The following PCDHGA6 variants were observed in gnomAD, a reference collection of about 807,000 sequenced individuals.
PCDHGA6 encodes protocadherin gamma subfamily A, 6.
Under a neutral mutation model 60.6 loss-of-function variants are expected in PCDHGA6, and 41 were observed. The observed-to-expected ratio is 0.68, with a 90% CI of 0.53 to 0.88. The LOEUF is 0.88. Among genes scored for constraint, PCDHGA6 ranks in the 40% least tolerant of loss-of-function variants. The pLI, the probability that PCDHGA6 is intolerant of heterozygous loss-of-function variation, is 0.00. For synonymous variants in PCDHGA6, 594 were observed against 524.4 expected (o/e 1.13, Z -1.81); for missense variants, 1,312 against 1,203.0 (o/e 1.09, Z -1.34).
At chr5:141,394,875 A>G in intron 1 of PCDHGA6, 3 of 1,613,722 alleles carry the variant, frequency 1.9e-6, no homozygotes, top group Non-Finnish European at 8.5e-7. Flanking sequence ...GAACGATTCG[A>G]GCCTTACACT....
At chr5:141,444,531 CTG>C (rs2098439915) in intron 1 of PCDHGA6, among the ~76,000 whole-genome samples, 1 of 152,100 alleles carries the variant, frequency 6.6e-6, no homozygotes, top group Non-Finnish European at 1.5e-5. Context: ...GAGACAGTGA[CTG>C]TGTCTAGTGA....
At chr5:141,383,542 T>G (rs1779235852) in intron 1 of PCDHGA6, 1 of 1,612,562 alleles carries the variant, frequency 6.2e-7, no homozygotes, top group Non-Finnish European at 8.5e-7. Flanking sequence ...CCTCACAGCC[T>G]CTGATGGCGG....
intron 1 of PCDHGA6, among the ~76,000 whole-genome samples, chr5:141,435,017 C>T (rs1477938779): frequency 1.3e-5 from 2 of 151,994 alleles, no homozygotes; most frequent in Middle Eastern, 3.2e-3. Flanking sequence ...AATGATAATG[C>T]TCTTTTCCCA....
chr5:141,393,771 C>G (rs1207407733), intron 1 of PCDHGA6: 4 of 1,613,874 alleles, frequency 2.5e-6, no homozygotes, highest in Non-Finnish European at 3.4e-6. Context: ...AATGGAAATA[C>G]AAGCCGAAGA....
At chr5:141,419,405 G>T (rs1219399978) in intron 1 of PCDHGA6, 1 of 1,613,512 alleles carries the variant, frequency 6.2e-7, no homozygotes, top group South Asian at 1.1e-5. Context: ...GGTGGTGTTC[G>T]CGCAGCGCGC....
chr5:141,376,524 C>T lies in PCDHGA6; in HGVS notation c.2424+17C>T, dbSNP rs1772781654. The T allele has an allele frequency of 6.2e-7, 1 of 1,613,718 alleles. No homozygotes were observed. The highest frequency in any genetic ancestry group is 1.7e-5 in the Admixed American group (1 of 59,984). ...CAACTTCAGGTGAGTTTCTTTCCGCCTAAGCGGGAAGAGTAATCTGATCTT... is the reference window on the plus strand; with the variant it reads ...CAACTTCAGGTGAGTTTCTTTCCGCTTAAGCGGGAAGAGTAATCTGATCTT... On this transcript the variant is annotated intron_variant, in intron 1 of 3. Transcript: ENST00000517434.
intron 1 of PCDHGA6, chr5:141,420,184 A>G: frequency 5.0e-6 from 8 of 1,613,990 alleles, no homozygotes; most frequent in Non-Finnish European, 6.8e-6. Context: ...ATCATTGTCC[A>G]GCCACACAAG....
At chr5:141,407,114 T>C (rs1309229793) in intron 1 of PCDHGA6, among the ~76,000 whole-genome samples, 1 of 152,228 alleles carries the variant, frequency 6.6e-6, no homozygotes, top group Non-Finnish European at 1.5e-5. Flanking sequence ...ATTATTTGGG[T>C]TTCAGTTGCT....
chr5:141,394,087 C>T, intron 1 of PCDHGA6: 2 of 1,613,888 alleles, frequency 1.2e-6, no homozygotes, highest in Non-Finnish European at 1.7e-6. Context: ...GTGATGGCCT[C>T]AGATCTAGGA....
chr5:141,476,978 C>A lies in PCDHGA6; in HGVS notation c.2425-17829C>A, dbSNP rs1468851988. The A allele has an allele frequency of 2.5e-6, 4 of 1,614,138 alleles. No individual in the cohort carries two copies. Among genetic ancestry groups the A allele is most frequent in the Admixed American group, 3.3e-5 (2 of 60,012 alleles). On this transcript the variant is annotated intron_variant, in intron 1 of 3. Transcript: ENST00000517434. This position sits in a 1 kb window ranked among gnomAD's most constrained non-coding sequence, Gnocchi z 7.6. ...TATTTACTCCTTCGGCAGCCACAAC[C>A]GCGCCGGCGTGCGGCAACTATTCGC...
rs1036223789 is a variant in PCDHGA6, at chr5:141,511,298, G to C, written c.*125G>C. 49 of 1,502,412 alleles carry C rather than the reference G, an allele frequency of 3.3e-5. No homozygotes were observed. The African/African-American group carries it at 6.7e-4, about 20-fold the overall frequency. 93.1% of individuals were successfully genotyped at this position (1,502,412 alleles called of 1,614,324 possible). A position where few individuals can be genotyped will look rare whatever the true frequency, so the allele number is the denominator to read the frequency against. The stretch of plus-strand genomic sequence containing the variant: ...GAATACTGGTAGGGGCCAAGGCCAT[G>C]CTCCCCTTGGGAAACAGAAACAAGT... On this transcript the variant is annotated 3_prime_UTR_variant, in exon 4 of 4. Coordinates refer to ENST00000517434, the MANE Select transcript of PCDHGA6 (RefSeq NM_018919.3).
intron 3 of PCDHGA6, among the ~76,000 whole-genome samples, chr5:141,508,930 T>A (rs2099873149): frequency 6.6e-6 from 1 of 151,836 alleles, no homozygotes; most frequent in African/African-American, 2.4e-5. Context: ...CTTTTGGAGT[T>A]AATTAGGGAA....
In PCDHGA6 at chr5:141,511,580, G is replaced by A. The variant is rs1436011320; in HGVS notation, c.*407G>A. ...CTCTTTCCCGAGTAAGGTGGTTGGG[G>A]TGTTGAAGTACCAAGTAACCTACAA... On this transcript the variant is annotated 3_prime_UTR_variant, in exon 4 of 4. Coordinates refer to ENST00000517434, the MANE Select transcript of PCDHGA6 (RefSeq NM_018919.3). 2 of 282,206 alleles carry A rather than the reference G, an allele frequency of 7.1e-6. No individual in the cohort carries two copies. Among genetic ancestry groups the A allele is most frequent in the Admixed American group, 4.6e-5 (1 of 21,516 alleles). The allele number at this position is 282,206 out of a possible 1,614,324, so 17.5% of individuals were successfully genotyped here.
At chr5:141,438,621 TATATATATATATATACAC>T (rs1369797568) in intron 1 of PCDHGA6, among the ~76,000 whole-genome samples, 6 of 41,386 alleles carry the variant, frequency 1.4e-4, no homozygotes, top group South Asian at 9.0e-4. Context: ...TATATATATA[TATATATATATATATACAC>T]ACACACACAC....
intron 1 of PCDHGA6, among the ~76,000 whole-genome samples, chr5:141,473,132 T>C (rs2099314792): frequency 6.6e-6 from 1 of 152,230 alleles, no homozygotes; most frequent in Non-Finnish European, 1.5e-5. Context: ...TGGCAAACTA[T>C]ATTATCTCTT....
intron 1 of PCDHGA6, chr5:141,421,414 C>G: frequency 6.2e-7 from 1 of 1,614,066 alleles, no homozygotes; most frequent in Non-Finnish European, 8.5e-7. Flanking sequence ...GCTGGCGAAG[C>G]GCGGAGTCCG....
chr5:141,376,676 G>GTGTTTTTTT (rs1773033495), intron 1 of PCDHGA6, 169 bp downstream of exon 1: 1 of 275,812 alleles, frequency 3.6e-6, no homozygotes, highest in African/African-American at 3.7e-5. Flanking sequence ...TGAGGGTATC[G>GTGTTTTTTT]TTTTTTTTTT....
At chr5:141,384,224 T>C (rs753746250) in intron 1 of PCDHGA6, 1 of 1,613,882 alleles carries the variant, frequency 6.2e-7, no homozygotes, top group Non-Finnish European at 8.5e-7. Flanking sequence ...TTCATGCAGG[T>C]GGCAGACACC....
Position 141,490,667 on chromosome 5 carries a change from T to C in PCDHGA6, c.2425-4140T>C, listed in dbSNP as rs906656199. The stretch of plus-strand genomic sequence containing the variant: ...CCTCCGGGCTCCCTTCTTTGCACTG[T>C]GGCTGCCTCAGATCCAGACACTGGG... On this transcript the variant is annotated intron_variant, in intron 1 of 3. Transcript: ENST00000517434. This position sits in a 1 kb window ranked among gnomAD's most constrained non-coding sequence, Gnocchi z 5.4. The C allele has an allele frequency of 6.8e-6, 11 of 1,614,206 alleles. 1 individual carries two copies. The highest frequency in any genetic ancestry group is 4.5e-5 in the East Asian group (2 of 44,876).
Sources: gnomAD v4.1 joint callset for allele counts (sites outside exome capture counted in the v4.1 genomes callset) on GRCh38, gnomAD v4.1.1 for gene constraint, Gnocchi (gnomAD v3.1) non-coding constraint, MANE v1.5 for transcripts, NCBI Gene and HGNC (gene_info 2026-07-23, HGNC 2026-07-21) for gene names.